SLC24A2: variants seen among roughly 807,000 people sequenced by gnomAD.
The protein encoded by SLC24A2 is sodium/potassium/calcium exchanger 2.
SLC24A2 carries 36 observed loss-of-function variants against 62.0 expected under a neutral mutation model. The ratio of observed to expected loss-of-function variants is 0.58; its 90% CI spans 0.44 to 0.77. The LOEUF is 0.77. SLC24A2 is among the 30% of genes least tolerant of loss of function. The probability of loss-of-function intolerance (pLI) is 0.00; values close to 1 mark genes in which losing one functional copy is unlikely to be tolerated. For synonymous variants in SLC24A2, 358 were observed against 294.0 expected, an observed-to-expected ratio of 1.22 and a Z score of -2.23; for missense variants, 846 against 817.9, an observed-to-expected ratio of 1.03 and a Z score of -0.42.
At chr9:19,930,188 A>G in the SLC24A2 span, among the ~76,000 whole-genome samples, 1 of 152,132 alleles carries the variant, frequency 6.6e-6, no homozygotes, top group Non-Finnish European at 1.5e-5. Flanking sequence ...TTTACTTATC[A>G]CTCACTCACC....
the SLC24A2 span, among the ~76,000 whole-genome samples, chr9:20,110,736 A>T: frequency 6.6e-6 from 1 of 152,216 alleles, no homozygotes; most frequent in Non-Finnish European, 1.5e-5. Context: ...ATGTTGATCC[A>T]ATGAAAATTC....
At chr9:20,172,800 A>G in the SLC24A2 span, among the ~76,000 whole-genome samples, 2 of 152,108 alleles carry the variant, frequency 1.3e-5, no homozygotes, top group African/African-American at 4.8e-5. Context: ...TCCTATTGAC[A>G]CTATTTCACA....
At chr9:19,708,593 A>G (rs13286059) in intron 2 of SLC24A2, among the ~76,000 whole-genome samples, 29,181 of 152,160 alleles carry the variant, frequency 0.19, 2,917 homozygotes, top group Middle Eastern at 0.24. Context: ...GCCCTTAGAA[A>G]TAATGCCACA....
intron 2 of SLC24A2, among the ~76,000 whole-genome samples, chr9:19,633,076 G>C (rs554408183): frequency 3.8e-4 from 58 of 152,172 alleles, no homozygotes; most frequent in African/African-American, 1.3e-3. Flanking sequence ...ATACTTTTCA[G>C]GTTTGCTTTT....
At chr9:19,865,092 A>G in the SLC24A2 span, among the ~76,000 whole-genome samples, 1 of 152,134 alleles carries the variant, frequency 6.6e-6, no homozygotes, top group Non-Finnish European at 1.5e-5. Context: ...CAGTAGCGAC[A>G]AATGAATTAA....
At chr9:20,292,322 G>A in the SLC24A2 span, among the ~76,000 whole-genome samples, 88 of 152,242 alleles carry the variant, frequency 5.8e-4, 1 homozygote, top group South Asian at 1.2e-3. Flanking sequence ...TCCACTAATA[G>A]TCTCGTTTTA....
intron 10 of SLC24A2, among the ~76,000 whole-genome samples, chr9:19,520,094 T>A (rs1310453434): frequency 1.3e-5 from 2 of 152,116 alleles, no homozygotes; most frequent in African/African-American, 4.8e-5. Flanking sequence ...CATGGAAAGG[T>A]GGAAGACAGA....
intron 2 of SLC24A2, among the ~76,000 whole-genome samples, chr9:19,703,573 T>C (rs34018915): frequency 0.35 from 53,154 of 152,106 alleles, 10,422 homozygotes; most frequent in African/African-American, 0.54. Flanking sequence ...GCAAGTGAGC[T>C]CACTGTAAGT....
chr9:19,534,736 A>G (rs1285666282), intron 8 of SLC24A2, among the ~76,000 whole-genome samples: 3 of 152,022 alleles, frequency 2.0e-5, no homozygotes, highest in Non-Finnish European at 1.5e-5. Flanking sequence ...TATGTGGCAC[A>G]TTTTCTTTAT....
At chr9:20,027,854 T>C in the SLC24A2 span, among the ~76,000 whole-genome samples, 1 of 152,234 alleles carries the variant, frequency 6.6e-6, no homozygotes, top group East Asian at 1.9e-4. Context: ...TAACCACTAC[T>C]CAATGTATAT....
At chr9:19,625,139 T>C (rs1818001510) in intron 2 of SLC24A2, among the ~76,000 whole-genome samples, 1 of 152,160 alleles carries the variant, frequency 6.6e-6, no homozygotes, top group Admixed American at 6.5e-5. Flanking sequence ...AAGACTAACA[T>C]GACTCTAAGG....
the SLC24A2 span, among the ~76,000 whole-genome samples, chr9:19,892,319 T>C: frequency 1.6e-4 from 25 of 152,350 alleles, no homozygotes; most frequent in African/African-American, 5.8e-4. Flanking sequence ...TATTTTGTTA[T>C]TTTTCTATAA....
At chr9:20,253,233 T>C in the SLC24A2 span, among the ~76,000 whole-genome samples, 1 of 152,224 alleles carries the variant, frequency 6.6e-6, no homozygotes, top group African/African-American at 2.4e-5. Flanking sequence ...ATGCCTGCTA[T>C]ATGATCTTAG....
At chr9:20,029,331 C>T in the SLC24A2 span, among the ~76,000 whole-genome samples, 3 of 152,216 alleles carry the variant, frequency 2.0e-5, no homozygotes, top group Non-Finnish European at 2.9e-5. Context: ...TTCCAACTTT[C>T]AGTAGGTGCT....
intron 2 of SLC24A2, among the ~76,000 whole-genome samples, chr9:19,711,436 A>G (rs551150863): frequency 1.3e-5 from 2 of 152,342 alleles, no homozygotes; most frequent in South Asian, 4.1e-4. Context: ...AAATTTGACA[A>G]CCAATGCCAT....
chr9:19,893,151 G>A, the SLC24A2 span, among the ~76,000 whole-genome samples: 1 of 152,134 alleles, frequency 6.6e-6, no homozygotes, highest in Non-Finnish European at 1.5e-5. Flanking sequence ...TTGAGTGGCG[G>A]GCAGAGAAGC....
At chr9:19,953,189 G>A in the SLC24A2 span, among the ~76,000 whole-genome samples, 120,909 of 151,858 alleles carry the variant, frequency 0.8, 48,711 homozygotes, top group Non-Finnish European at 0.86. Flanking sequence ...TAAGCGTAAC[G>A]ATTTCATTGA....
chr9:19,680,851 T>TTGTGTGAGTGTGTGTGTG (rs1554697846), intron 2 of SLC24A2, among the ~76,000 whole-genome samples: 3 of 146,970 alleles, frequency 2.0e-5, no homozygotes, highest in African/African-American at 5.0e-5. Flanking sequence ...TATACCAGAG[T>TTGTGTGAGTGTGTGTGTG]TGTGTGTGTG....
the SLC24A2 span, among the ~76,000 whole-genome samples, chr9:20,019,221 CAGAA>C: frequency 0.33 from 29,682 of 90,500 alleles, 4,583 homozygotes; most frequent in East Asian, 0.62. Context: ...GAAAGAAAGA[CAGAA>C]AGAAAGAAAG....
Sources: gnomAD v4.1 joint callset for allele counts (sites outside exome capture counted in the v4.1 genomes callset) on GRCh38, gnomAD v4.1.1 for gene constraint, MANE v1.5 for transcripts, NCBI Gene and HGNC (gene_info 2026-07-23, HGNC 2026-07-21) for gene names.